KCNQ1: variants seen among roughly 807,000 people sequenced by gnomAD.
KCNQ1 encodes potassium voltage-gated channel subfamily KQT member 1.
In KCNQ1, 49 loss-of-function variants were observed where a neutral mutation model predicts 72.4. That is an observed-to-expected ratio of 0.68 (90% confidence interval 0.54 to 0.86). The LOEUF (loss-of-function observed/expected upper bound fraction) is 0.86, where lower values mean the gene tolerates loss of function less well. KCNQ1 is among the 40% of genes least tolerant of loss of function. The pLI, the probability that KCNQ1 is intolerant of heterozygous loss-of-function variation, is 0.00. For synonymous variants in KCNQ1, 450 were observed against 412.6 expected (o/e 1.09, Z -1.10); for missense variants, 790 against 945.1 (o/e 0.84, Z 2.15).
rs531050148 is a variant in KCNQ1 at position 2,564,047 on chromosome 11, G to A, written c.478-6581G>A. On this transcript the variant is annotated intron_variant, in intron 2 of 15. Coordinates refer to ENST00000155840, the MANE Select transcript of KCNQ1 (RefSeq NM_000218.3). This position sits in a 1 kb window ranked among gnomAD's most constrained non-coding sequence, Gnocchi z 4.5. ...CCCGCGGGAGCCCAGGTGAGCAACCGCCACGGGCCAGGGCCCCTCGAGGCA... is the reference window on the plus strand; with the variant it reads ...CCCGCGGGAGCCCAGGTGAGCAACCACCACGGGCCAGGGCCCCTCGAGGCA... Among the ~76,000 whole-genome samples the A allele has an allele frequency of 8.5e-5, 13 of 152,286 alleles. No individual in the cohort carries two copies. Among genetic ancestry groups the A allele is most frequent in the Admixed American group, 2.6e-4 (4 of 15,304 alleles).
At chr11:2,793,196 C>T (rs781255731) in intron 15 of KCNQ1, among the ~76,000 whole-genome samples, 1 of 152,228 alleles carries the variant, frequency 6.6e-6, no homozygotes, top group African/African-American at 2.4e-5. Context: ...ACCCGACAAA[C>T]ACAAGGGCTC....
intron 14 of KCNQ1, chr11:2,777,686 G>T: frequency 1.7e-6 from 1 of 602,042 alleles, no homozygotes; most frequent in Non-Finnish European, 3.0e-6. Context: ...GCATGGGCTT[G>T]CACAGCTGGC....
intron 10 of KCNQ1, among the ~76,000 whole-genome samples, chr11:2,589,578 C>T (rs565119402): frequency 1.6e-4 from 25 of 152,154 alleles, no homozygotes; most frequent in South Asian, 2.1e-4. Flanking sequence ...AGCCACACGG[C>T]GGGAATACAG....
At chr11:2,576,225 G>A (rs774044580) in intron 6 of KCNQ1, among the ~76,000 whole-genome samples, 3 of 152,182 alleles carry the variant, frequency 2.0e-5, no homozygotes, top group Admixed American at 2.0e-4. Context: ...TCCCCTTGCC[G>A]GCCACCAGTT....
Position 2,713,881 on chromosome 11 carries a change from C to T in KCNQ1, c.1514+51800C>T, listed in dbSNP as rs1851046260. Reference sequence around the variant, plus strand: ...AGATGGGCAAACGCGCGCTCGGAGCCTGGCCCTGCAGACACGATGGCCCAG... The same window carrying T: ...AGATGGGCAAACGCGCGCTCGGAGCTTGGCCCTGCAGACACGATGGCCCAG... On this transcript the variant is annotated intron_variant, in intron 11 of 15. Transcript: ENST00000155840. The surrounding 1 kb of genome is among the most constrained non-coding windows in gnomAD (Gnocchi z 5.6). 1.3e-5 allele frequency among the ~76,000 whole-genome samples: 2 copies of T among 152,256 alleles called. No individual in the cohort carries two copies. Among genetic ancestry groups the T allele is most frequent in the African/African-American group, 2.4e-5 (1 of 41,468 alleles).
rs189970919 is a variant in KCNQ1 at position 2,498,596 on chromosome 11, G to A, written c.387-29332G>A. 7.2e-5 allele frequency among the ~76,000 whole-genome samples: 11 copies of A among 152,334 alleles called. No individual in the cohort carries two copies. The East Asian group carries it at 1.9e-3, about 27-fold the overall frequency. On this transcript the variant is annotated intron_variant, in intron 1 of 15. Coordinates refer to ENST00000155840, the MANE Select transcript of KCNQ1 (RefSeq NM_000218.3). This position sits in a 1 kb window ranked among gnomAD's most constrained non-coding sequence, Gnocchi z 4.8. ...GCTGTGCTGGCAGTGAGAATTTGAA[G>A]CCAGTGGTTCTTAGCTTGCTGGGCT...
rs1226019164 is a variant in KCNQ1, at chr11:2,766,120, C to A, written c.1515-2724C>A. On this transcript the variant is annotated intron_variant, in intron 11 of 15. Transcript: ENST00000155840. The surrounding 1 kb of genome is among the most constrained non-coding windows in gnomAD (Gnocchi z 4.4). ...TTTCTGGAACTTCCTTTTTATGTAT[C>A]TATAAATTTTATTTCTCTGGTAAAA... Among the ~76,000 whole-genome samples, 1 of 152,144 alleles carries A rather than the reference C, an allele frequency of 6.6e-6. No homozygotes were observed. Among genetic ancestry groups the A allele is most frequent in the African/African-American group, 2.4e-5 (1 of 41,424 alleles).
In KCNQ1 at chr11:2,645,435, C is replaced by A; in HGVS notation, c.1394-16526C>A. The stretch of plus-strand genomic sequence containing the variant: ...GGCCCTCCAGTAATGCAAGAATGTA[C>A]TGACTGTGGTAGGCAGGCACAGGAA... On this transcript the variant is annotated intron_variant, in intron 10 of 15. Coordinates refer to ENST00000155840, the MANE Select transcript of KCNQ1 (RefSeq NM_000218.3). The surrounding 1 kb of genome is among the most constrained non-coding windows in gnomAD (Gnocchi z 5.8). 2.5e-6 allele frequency: 1 copy of A among 398,686 alleles called. No homozygotes were observed. The highest frequency in any genetic ancestry group is 3.6e-5 in the East Asian group (1 of 28,064). 24.7% of individuals were successfully genotyped at this position (398,686 alleles called of 1,614,324 possible).
At chr11:2,632,280 A>G in intron 10 of KCNQ1, 1 of 397,090 alleles carries the variant, frequency 2.5e-6, no homozygotes, top group Non-Finnish European at 4.4e-6. Flanking sequence ...TTTTGTGGTG[A>G]GTTTTCAGGG....
At chr11:2,546,000 TGATTA>T (rs1198943332) in intron 2 of KCNQ1, among the ~76,000 whole-genome samples, 2 of 152,150 alleles carry the variant, frequency 1.3e-5, no homozygotes, top group Non-Finnish European at 2.9e-5. Context: ...TTTGGTTATT[TGATTA>T]ATTTTAATTA....
intron 10 of KCNQ1, chr11:2,648,884 C>A: frequency 5.0e-6 from 2 of 398,158 alleles, no homozygotes; most frequent in Non-Finnish European, 8.9e-6. Context: ...CCTGGGTACT[C>A]CAGTGTTGTT....
intron 15 of KCNQ1, among the ~76,000 whole-genome samples, chr11:2,841,849 G>A (rs894407363): frequency 6.6e-6 from 1 of 152,200 alleles, no homozygotes; most frequent in Non-Finnish European, 1.5e-5. Context: ...CAGCAGCAGG[G>A]GGAAGGGTCT....
In KCNQ1 at chr11:2,799,334, G is replaced by T. The variant is rs1016727516; in HGVS notation, c.1794+21297G>T. ...CAACCAGCGCTCTTTGGAATGGACT[G>T]AAGTGGAATGTGATGTTTAACTTCT... On this transcript the variant is annotated intron_variant, in intron 15 of 15. Coordinates refer to ENST00000155840, the MANE Select transcript of KCNQ1 (RefSeq NM_000218.3). 3.3e-4 allele frequency among the ~76,000 whole-genome samples: 50 copies of T among 152,086 alleles called. 1 individual carries two copies. Among genetic ancestry groups the T allele is most frequent in the African/African-American group, 1.2e-3 (48 of 41,384 alleles).
rs138979917 is a variant in KCNQ1, at chr11:2,743,956, C to T, written c.1515-24888C>T. 5.7e-4 allele frequency among the ~76,000 whole-genome samples: 87 copies of T among 152,314 alleles called. 2 individuals carry two copies. In the East Asian group the frequency reaches 0.014, roughly 24 times the overall value. Reference sequence around the variant, plus strand: ...GCCTTGAGGGTGCTGGCCTGCAGACCTGCTCCTGCCCGTTCTGGCCTGATC... The same window carrying T: ...GCCTTGAGGGTGCTGGCCTGCAGACTTGCTCCTGCCCGTTCTGGCCTGATC... On this transcript the variant is annotated intron_variant, in intron 11 of 15. Transcript: ENST00000155840.
chr11:2,499,946 A>AAAAATTG (rs963273752), intron 1 of KCNQ1, among the ~76,000 whole-genome samples: 4 of 152,226 alleles, frequency 2.6e-5, no homozygotes, highest in African/African-American at 7.2e-5. Context: ...AAACATTCTA[A>AAAAATTG]AAAATTGAAA....
rs957357853 is a variant in KCNQ1 at position 2,620,721 on chromosome 11, G to A, written c.1393+31867G>A. 2 of 398,434 alleles carry A rather than the reference G, an allele frequency of 5.0e-6. No individual in the cohort carries two copies. The highest frequency in any genetic ancestry group is 4.1e-5 in the African/African-American group (2 of 48,590). 24.7% of individuals were successfully genotyped at this position (398,434 alleles called of 1,614,324 possible). Reference sequence around the variant, plus strand: ...ATATATATCCAGTAATGGGATTGCTGGGTCAGATGGTAGTTCTGTTTTCAG... The same window carrying A: ...ATATATATCCAGTAATGGGATTGCTAGGTCAGATGGTAGTTCTGTTTTCAG... On this transcript the variant is annotated intron_variant, in intron 10 of 15. Coordinates refer to ENST00000155840, the MANE Select transcript of KCNQ1 (RefSeq NM_000218.3). This position sits in a 1 kb window ranked among gnomAD's most constrained non-coding sequence, Gnocchi z 4.5.
chr11:2,645,714 C>T lies in KCNQ1; in HGVS notation c.1394-16247C>T. On this transcript the variant is annotated intron_variant, in intron 10 of 15. Transcript: ENST00000155840. This position sits in a 1 kb window ranked among gnomAD's most constrained non-coding sequence, Gnocchi z 5.8. ...TGGAGGGAGCAGTCAGGAGTGGCAA[C>T]CAGCTTTGTGTAAGGGATGTCCATG... 5.0e-6 allele frequency: 2 copies of T among 398,770 alleles called. No homozygotes were observed. Among genetic ancestry groups the T allele is most frequent in the East Asian group, 7.1e-5 (2 of 28,070 alleles). The allele number at this position is 398,770 out of a possible 1,614,324, so 24.7% of individuals were successfully genotyped here.
intron 15 of KCNQ1, among the ~76,000 whole-genome samples, chr11:2,798,765 G>A (rs1847195146): frequency 6.6e-6 from 1 of 152,216 alleles, no homozygotes; most frequent in Non-Finnish European, 1.5e-5. Context: ...AGCTATTGGG[G>A]AAAATGTAAC....
chr11:2,760,109 G>A (rs1178042842), intron 11 of KCNQ1, among the ~76,000 whole-genome samples: 1 of 152,202 alleles, frequency 6.6e-6, no homozygotes, highest in Non-Finnish European at 1.5e-5. Context: ...TGGCCCCTTG[G>A]GCAGCCCAGC....
Sources: gnomAD v4.1 joint callset for allele counts (sites outside exome capture counted in the v4.1 genomes callset) on GRCh38, gnomAD v4.1.1 for gene constraint, Gnocchi (gnomAD v3.1) non-coding constraint, MANE v1.5 for transcripts, NCBI Gene and HGNC (gene_info 2026-07-23, HGNC 2026-07-21) for gene names.